Variants in CORO2B observed in about 807,000 individuals in gnomAD.
CORO2B encodes coronin-2B.
A neutral mutation model predicts 58.8 loss-of-function variants in CORO2B; 26 were observed. The observed-to-expected ratio is 0.44, with a 90% CI of 0.32 to 0.61. The LOEUF (loss-of-function observed/expected upper bound fraction) is 0.61, where lower values mean the gene tolerates loss of function less well. CORO2B is among the 20% of genes least tolerant of loss of function. CORO2B has a pLI of 0.04. For synonymous variants in CORO2B, 242 were observed against 253.8 expected (o/e 0.95, Z 0.44); for missense variants, 460 against 645.1 (o/e 0.71, Z 3.11).
the CORO2B span, among the ~76,000 whole-genome samples, chr15:68,565,333 G>A: frequency 6.7e-6 from 1 of 150,368 alleles, no homozygotes; most frequent in African/African-American, 2.4e-5. Flanking sequence ...ATTTTTATTG[G>A]CATGCATATA....
In CORO2B at chr15:68,645,110, T is replaced by G. The variant is rs752509020; in HGVS notation, c.16-50T>G. 11 of 1,588,272 alleles carry G rather than the reference T, an allele frequency of 6.9e-6. No individual in the cohort carries two copies. The Admixed American group carries it at 1.7e-4, about 25-fold the overall frequency. On this transcript the variant is annotated intron_variant, in intron 1 of 11. Transcript: ENST00000261861. The surrounding 1 kb of genome is among the most constrained non-coding windows in gnomAD (Gnocchi z 4.5). Reference sequence around the variant, plus strand: ...TCCCCCAAGAGCCCAGCCGAGGCCCTTCATGGCACAGGGCCCAGCCTGACC... The same window carrying G: ...TCCCCCAAGAGCCCAGCCGAGGCCCGTCATGGCACAGGGCCCAGCCTGACC...
intron 1 of CORO2B, among the ~76,000 whole-genome samples, chr15:68,621,912 A>G (rs555599352): frequency 6.6e-6 from 1 of 151,910 alleles, no homozygotes. Flanking sequence ...ACATGCCACC[A>G]TGCCTGGCTA....
At chr15:68,678,481 C>A (rs1902661307) in intron 2 of CORO2B, among the ~76,000 whole-genome samples, 1 of 152,148 alleles carries the variant, frequency 6.6e-6, no homozygotes, top group Admixed American at 6.5e-5. Flanking sequence ...CAAGACCAGC[C>A]TGGCCAACAT....
intron 2 of CORO2B, among the ~76,000 whole-genome samples, chr15:68,681,972 T>C (rs1244952043): frequency 6.6e-6 from 1 of 152,086 alleles, no homozygotes; most frequent in Admixed American, 6.5e-5. Flanking sequence ...TGGAACCAGA[T>C]CAGCACCAAG....
At chr15:68,711,517 G>A (rs1257770043) in intron 4 of CORO2B, 25 bp from the exon 5 acceptor site, 1 of 1,600,776 alleles carries the variant, frequency 6.2e-7, no homozygotes, top group Non-Finnish European at 8.5e-7. Context: ...CACTGACCCT[G>A]CCTCCCATGC....
intron 1 of CORO2B, among the ~76,000 whole-genome samples, chr15:68,617,041 T>C (rs945144060): frequency 2.6e-5 from 4 of 152,200 alleles, no homozygotes; most frequent in African/African-American, 9.7e-5. Context: ...GTAACCCTGG[T>C]TACCAGATGA....
chr15:68,619,535 G>A (rs1900458193), intron 1 of CORO2B, among the ~76,000 whole-genome samples: 1 of 152,054 alleles, frequency 6.6e-6, no homozygotes, highest in South Asian at 2.1e-4. Context: ...TGTTGGAGCT[G>A]GAAATGTTCC....
At chr15:68,628,538 A>C (rs945627157) in intron 1 of CORO2B, among the ~76,000 whole-genome samples, 1 of 152,254 alleles carries the variant, frequency 6.6e-6, no homozygotes, top group Admixed American at 6.5e-5. Context: ...GTAACAAGGG[A>C]ATAGAAACAG....
At chr15:68,601,990 C>A (rs1319290094) in intron 1 of CORO2B, among the ~76,000 whole-genome samples, 1 of 151,286 alleles carries the variant, frequency 6.6e-6, no homozygotes, top group Non-Finnish European at 1.5e-5. Flanking sequence ...AGGCAGAAGG[C>A]CAAACACGAT....
the CORO2B span, among the ~76,000 whole-genome samples, chr15:68,535,337 A>G: frequency 6.6e-6 from 1 of 152,210 alleles, no homozygotes; most frequent in Admixed American, 6.5e-5. Flanking sequence ...GCTACTTCAT[A>G]GTTGTATGAC....
intron 2 of CORO2B, among the ~76,000 whole-genome samples, chr15:68,685,487 C>T (rs958535570): frequency 2.0e-5 from 3 of 152,218 alleles, no homozygotes; most frequent in African/African-American, 7.2e-5. Context: ...GCTGGGATTA[C>T]AGGCGTGAGC....
chr15:68,677,533 C>T lies in CORO2B; in HGVS notation c.217-17607C>T, dbSNP rs879343907. Reference sequence around the variant, plus strand: ...TTTTCTGGGAAAGGCCAGATGGTGGCGGGGGGATGCTGAGGCTGTGCTCCA... The same window carrying T: ...TTTTCTGGGAAAGGCCAGATGGTGGTGGGGGGATGCTGAGGCTGTGCTCCA... On this transcript the variant is annotated intron_variant, in intron 2 of 11. Coordinates refer to ENST00000261861, the MANE Select transcript of CORO2B (RefSeq NM_006091.5). Among the ~76,000 whole-genome samples the T allele has an allele frequency of 1.1e-4, 16 of 152,174 alleles. No homozygotes were observed. The South Asian group carries it at 1.5e-3, about 14-fold the overall frequency.
chr15:68,580,108 T>C (rs1899389427), intron 1 of CORO2B, among the ~76,000 whole-genome samples: 1 of 152,228 alleles, frequency 6.6e-6, no homozygotes. Context: ...AGGGGTCCAC[T>C]TTGGGCCTCA....
At chr15:68,544,073 G>T in the CORO2B span, among the ~76,000 whole-genome samples, 1 of 152,178 alleles carries the variant, frequency 6.6e-6, no homozygotes. Context: ...GACCACCCCA[G>T]CCCACTCATG....
the CORO2B span, among the ~76,000 whole-genome samples, chr15:68,527,888 G>A: frequency 6.6e-6 from 1 of 152,048 alleles, no homozygotes. Flanking sequence ...CCTATTAATT[G>A]ATGCTACTGT....
chr15:68,524,454 T>A, the CORO2B span, among the ~76,000 whole-genome samples: 7 of 152,222 alleles, frequency 4.6e-5, no homozygotes, highest in Non-Finnish European at 7.3e-5. Context: ...TTTGCTGAGA[T>A]AAGATGGGCT....
At chr15:68,578,924 T>G, upstream of CORO2B, 1 of 638,332 alleles carries the variant, frequency 1.6e-6, no homozygotes, top group South Asian at 7.0e-5. The surrounding 1 kb of genome is among the most constrained non-coding windows in gnomAD (Gnocchi z 4.2). Context: ...GCCTCCTCCT[T>G]TGTAGCGAGT....
chr15:68,613,930 A>G (rs941420271), intron 1 of CORO2B, among the ~76,000 whole-genome samples: 10 of 152,142 alleles, frequency 6.6e-5, no homozygotes, highest in Admixed American at 2.6e-4. Context: ...CTTCCTTATT[A>G]TAGATTTAGT....
the CORO2B span, among the ~76,000 whole-genome samples, chr15:68,545,084 A>G: frequency 6.6e-6 from 1 of 152,086 alleles, no homozygotes; most frequent in African/African-American, 2.4e-5. Flanking sequence ...TGCAAGGCAC[A>G]TTCTTGCACG....
Sources: allele counts gnomAD v4.1 joint callset (sites outside exome capture counted in the v4.1 genomes callset), GRCh38; gene constraint gnomAD v4.1.1; non-coding constraint Gnocchi (gnomAD v3.1); transcripts MANE v1.5; gene names NCBI Gene and HGNC (gene_info 2026-07-23, HGNC 2026-07-21).